The following HSDL2 variants were observed in gnomAD, a reference collection of about 807,000 sequenced individuals.
HSDL2 encodes the protein hydroxysteroid dehydrogenase like 2.
HSDL2 carries 27 observed loss-of-function variants against 46.3 expected under a neutral mutation model. That is an observed-to-expected ratio of 0.58 (90% CI 0.43 to 0.80). HSDL2 has a LOEUF of 0.80. Ranked by LOEUF, HSDL2 falls within the 30% of genes least tolerant of loss-of-function variation. The probability of loss-of-function intolerance (pLI) is 0.00; values close to 1 mark genes in which losing one functional copy is unlikely to be tolerated. For synonymous variants in HSDL2, 153 were observed against 163.6 expected (o/e 0.94, Z 0.50); for missense variants, 451 against 502.7 (o/e 0.90, Z 0.98).
rs755343468 is a variant in HSDL2, at chr9:112,416,951, G to A, written c.499+7G>A. ...TGGTTCAAACAGCACTGTGGTAGGT[G>A]GTAGGTGGTAGGGTGAGGGGATGGT... On this transcript the variant is annotated splice_region_variant and intron_variant, in intron 5 of 10. Transcript: ENST00000398805. 2.3e-5 allele frequency: 31 copies of A among 1,359,388 alleles called. No homozygotes were observed. The Admixed American group carries it at 4.8e-4, about 21-fold the overall frequency. The allele number at this position is 1,359,388 out of a possible 1,614,324, so 84.2% of individuals were successfully genotyped here. A position where few individuals can be genotyped will look rare whatever the true frequency, so the allele number is the denominator to read the frequency against.
At chr9:112,388,595 C>CA (rs985406011) in intron 1 of HSDL2, among the ~76,000 whole-genome samples, 15 of 139,504 alleles carry the variant, frequency 1.1e-4, no homozygotes, top group South Asian at 2.3e-4. Flanking sequence ...GCTAAAAATA[C>CA]AAAAAAAAAT....
intron 1 of HSDL2, among the ~76,000 whole-genome samples, chr9:112,392,307 T>C (rs1441910499): frequency 6.6e-6 from 1 of 152,192 alleles, no homozygotes; most frequent in African/African-American, 2.4e-5. Flanking sequence ...TGTTCAGTGG[T>C]GCAGGTATTG....
intron 4 of HSDL2, 52 bp from the exon 5 acceptor site, chr9:112,416,789 A>T: frequency 2.3e-5 from 20 of 868,806 alleles, no homozygotes; most frequent in South Asian, 9.1e-5. Flanking sequence ...AAAAAAGTGG[A>T]GAAATTGTTA....
At chr9:112,442,123 G>A (rs1033692687) in intron 8 of HSDL2, among the ~76,000 whole-genome samples, 1 of 151,706 alleles carries the variant, frequency 6.6e-6, no homozygotes, top group African/African-American at 2.4e-5. Context: ...AAAAAAATAC[G>A]TTGGGCGTGG....
chr9:112,437,640 A>G (rs1013112256), intron 6 of HSDL2, among the ~76,000 whole-genome samples: 2 of 152,148 alleles, frequency 1.3e-5, no homozygotes, highest in Non-Finnish European at 2.9e-5. Flanking sequence ...AGAAGGAGTC[A>G]TCACAGGCAA....
chr9:112,380,218 G>C, intron 1 of HSDL2, 38 bp downstream of exon 1: 1 of 1,530,148 alleles, frequency 6.5e-7, no homozygotes, highest in Non-Finnish European at 8.8e-7. Flanking sequence ...AGACCCTGTC[G>C]GGCGAAGGGC....
At chr9:112,387,881 A>G (rs1204499111) in intron 1 of HSDL2, among the ~76,000 whole-genome samples, 1 of 152,182 alleles carries the variant, frequency 6.6e-6, no homozygotes, top group East Asian at 1.9e-4. Flanking sequence ...GCATTCAGCC[A>G]GGGGTGGTGG....
intron 6 of HSDL2, among the ~76,000 whole-genome samples, chr9:112,429,624 C>T (rs1401192445): frequency 6.6e-6 from 1 of 152,178 alleles, no homozygotes; most frequent in Non-Finnish European, 1.5e-5. Flanking sequence ...AGATATCAAT[C>T]GCTGTCCTTA....
chr9:112,423,675 C>A (rs781187953), intron 6 of HSDL2, among the ~76,000 whole-genome samples: 1 of 151,700 alleles, frequency 6.6e-6, no homozygotes, highest in Non-Finnish European at 1.5e-5. Flanking sequence ...CACTTTCTAA[C>A]CGTCTCGTTT....
chr9:112,451,692 G>A (rs1832888274), intron 8 of HSDL2, among the ~76,000 whole-genome samples: 1 of 150,740 alleles, frequency 6.6e-6, no homozygotes, highest in African/African-American at 2.4e-5. Context: ...CTGGCTTGGT[G>A]TCATGGTAAT....
intron 1 of HSDL2, among the ~76,000 whole-genome samples, chr9:112,385,109 C>CACAACA (rs58515929): frequency 1.3e-4 from 19 of 150,926 alleles, no homozygotes; most frequent in African/African-American, 2.2e-4. Flanking sequence ...AAAAGAAAAA[C>CACAACA]ACAACAACAA....
intron 6 of HSDL2, among the ~76,000 whole-genome samples, chr9:112,429,563 T>C (rs534499360): frequency 6.8e-4 from 104 of 152,356 alleles, no homozygotes; most frequent in Non-Finnish European, 1.3e-3. Flanking sequence ...CGGACACTTA[T>C]TTTATGCCAA....
chr9:112,413,514 GA>G (rs1831926045), intron 4 of HSDL2, among the ~76,000 whole-genome samples: 1 of 139,508 alleles, frequency 7.2e-6, no homozygotes, highest in African/African-American at 2.6e-5. Flanking sequence ...GAAAAGAAAA[GA>G]AATATTTCTA....
chr9:112,421,652 C>T (rs894769766), intron 6 of HSDL2, among the ~76,000 whole-genome samples: 27 of 152,160 alleles, frequency 1.8e-4, no homozygotes, highest in African/African-American at 5.8e-4. Context: ...ATATCCTCCT[C>T]GGCCTCCCAA....
intron 8 of HSDL2, among the ~76,000 whole-genome samples, chr9:112,450,715 ATTTCC>A (rs1178210272): frequency 6.6e-6 from 1 of 151,398 alleles, no homozygotes; most frequent in African/African-American, 2.4e-5. Flanking sequence ...ATTTTGGCTT[ATTTCC>A]TTTCAACCAC....
chr9:112,450,913 CT>C (rs1183604830), intron 8 of HSDL2, among the ~76,000 whole-genome samples: 1 of 152,084 alleles, frequency 6.6e-6, no homozygotes, highest in Non-Finnish European at 1.5e-5. Flanking sequence ...TCAAAAACAA[CT>C]TTTTGAGGCC....
chr9:112,441,296 A>G lies in HSDL2; in HGVS notation c.794-403A>G, dbSNP rs78312137. Among the ~76,000 whole-genome samples the G allele has an allele frequency of 9.9e-4, 150 of 152,164 alleles. 1 individual carries two copies. In the East Asian group the frequency reaches 0.026, roughly 27 times the overall value. ...GAAGAGGGAAAGAGAGAAGAGACCCAAGTGCACTAATGCTGAGAAGAAAGT... is the reference window on the plus strand; with the variant it reads ...GAAGAGGGAAAGAGAGAAGAGACCCGAGTGCACTAATGCTGAGAAGAAAGT... On this transcript the variant is annotated intron_variant, in intron 7 of 10. Coordinates refer to ENST00000398805, the MANE Select transcript of HSDL2 (RefSeq NM_032303.5).
chr9:112,435,414 GGAGT>G (rs1564122917), intron 6 of HSDL2, among the ~76,000 whole-genome samples: 1 of 152,088 alleles, frequency 6.6e-6, no homozygotes, highest in Non-Finnish European at 1.5e-5. Context: ...GCAGTTTTCG[GGAGT>G]GAGATGATAA....
At chr9:112,452,792 AT>A (rs1832918727) in intron 8 of HSDL2, among the ~76,000 whole-genome samples, 1 of 152,172 alleles carries the variant, frequency 6.6e-6, no homozygotes, top group Non-Finnish European at 1.5e-5. Flanking sequence ...GCATCATGAT[AT>A]GGGAGCAAAG....
Sources: allele counts gnomAD v4.1 joint callset (sites outside exome capture counted in the v4.1 genomes callset), GRCh38; gene constraint gnomAD v4.1.1; transcripts MANE v1.5; gene names NCBI Gene and HGNC (gene_info 2026-07-23, HGNC 2026-07-21).